FHIT: variants seen among roughly 807,000 people sequenced by gnomAD.
The protein encoded by FHIT is bis(5'-adenosyl)-triphosphatase.
A neutral mutation model predicts 17.9 loss-of-function variants in FHIT; 19 were observed. That is an observed-to-expected ratio of 1.06 (90% CI 0.74 to 1.56). The LOEUF (loss-of-function observed/expected upper bound fraction) is 1.56, where lower values mean the gene tolerates loss of function less well. Ranked by LOEUF, FHIT falls within the 40% of genes most tolerant of loss-of-function variation. The pLI is 0.00. For missense variants in FHIT, 248 were observed against 189.2 expected (o/e 1.31, Z -1.82); for synonymous variants, 81 against 69.7 (o/e 1.16, Z -0.81).
intron 2 of FHIT, among the ~76,000 whole-genome samples, chr3:61,179,707 CAAAAAAAAAAAAAAA>C (rs779180597): frequency 3.5e-5 from 1 of 28,984 alleles, no homozygotes; most frequent in African/African-American, 1.3e-4. Flanking sequence ...GACCCTATCT[CAAAAAAAAAAAAAAA>C]AAAAAAAAAA....
At chr3:60,617,827 A>G (rs1559586671) in intron 4 of FHIT, 1 of 147,122 alleles carries the variant, frequency 6.8e-6, no homozygotes, top group Admixed American at 6.8e-5. Flanking sequence ...AAAAGTAACT[A>G]TGGTTTTTGG....
chr3:59,929,957 C>T (rs182884727), intron 7 of FHIT, among the ~76,000 whole-genome samples: 4 of 150,380 alleles, frequency 2.7e-5, no homozygotes, highest in African/African-American at 7.3e-5. Flanking sequence ...CCTGGAAACA[C>T]GAGTAAGGGA....
intron 7 of FHIT, among the ~76,000 whole-genome samples, chr3:60,009,161 TTTTATGTGTGTGTGTGTGTG>T (rs1257531737): frequency 1.1e-4 from 8 of 70,974 alleles, no homozygotes; most frequent in South Asian, 6.4e-4. Flanking sequence ...TTCTCTGGGA[TTTTATGTGTGTGTGTGTGTG>T]TGTGTGTGTG....
At position 60,051,306 on chromosome 3, in the gene FHIT, C is replaced by T. The variant is rs187161050; in HGVS notation, c.104-37154G>A. On this transcript the variant is annotated intron_variant, in intron 5 of 9. Coordinates refer to ENST00000492590, the MANE Select transcript of FHIT (RefSeq NM_002012.4). ...ACCTAACTTAGTCTATTAAACACAC[C>T]GAAAGCCTAATTTAGGATGCTTTTT... Among the ~76,000 whole-genome samples the T allele has an allele frequency of 3.8e-4, 57 of 148,740 alleles. No homozygotes were observed. The South Asian group carries it at 6.4e-3, about 17-fold the overall frequency.
chr3:60,974,926 T>A (rs1396665582), intron 3 of FHIT, among the ~76,000 whole-genome samples: 2 of 152,176 alleles, frequency 1.3e-5, no homozygotes, highest in Non-Finnish European at 2.9e-5. Flanking sequence ...GCTTAGTTAT[T>A]TGGGGATGAA....
intron 5 of FHIT, among the ~76,000 whole-genome samples, chr3:60,139,527 C>G: frequency 6.6e-6 from 1 of 152,138 alleles, no homozygotes; most frequent in East Asian, 1.9e-4. Context: ...GATATCCCTT[C>G]TGAACTTCTT....
intron 2 of FHIT, among the ~76,000 whole-genome samples, chr3:61,199,293 T>C (rs954245602): frequency 2.6e-5 from 4 of 152,244 alleles, no homozygotes; most frequent in Non-Finnish European, 4.4e-5. Context: ...GTTGTTAAGA[T>C]GGCTACATCA....
intron 5 of FHIT, among the ~76,000 whole-genome samples, chr3:60,274,839 GAA>G (rs1043636568): frequency 6.6e-6 from 1 of 152,104 alleles, no homozygotes; most frequent in African/African-American, 2.4e-5. Flanking sequence ...AGACTTTAGT[GAA>G]AACACTCATG....
chr3:60,923,915 T>A (rs781859418), intron 3 of FHIT, among the ~76,000 whole-genome samples: 9 of 152,204 alleles, frequency 5.9e-5, no homozygotes, highest in Non-Finnish European at 1.2e-4. Context: ...GATTATATCC[T>A]GCACCTGGCT....
At chr3:60,891,681 T>C (rs1411937589) in intron 3 of FHIT, among the ~76,000 whole-genome samples, 3 of 152,336 alleles carry the variant, frequency 2.0e-5, no homozygotes, top group Admixed American at 1.3e-4. Flanking sequence ...CTTGCAATCA[T>C]TCTCAGAAAC....
intron 5 of FHIT, among the ~76,000 whole-genome samples, chr3:60,023,097 A>G (rs1700611359): frequency 1.3e-5 from 2 of 152,256 alleles, no homozygotes; most frequent in Non-Finnish European, 2.9e-5. Flanking sequence ...TTAGGAGTTA[A>G]GACTTGAAGG....
intron 5 of FHIT, among the ~76,000 whole-genome samples, chr3:60,061,077 C>A (rs1702275797): frequency 6.6e-6 from 1 of 152,150 alleles, no homozygotes; most frequent in South Asian, 2.1e-4. Context: ...TCCATTCAGA[C>A]CCACAATCCC....
At chr3:59,903,527 T>C (rs1364096592) in intron 8 of FHIT, among the ~76,000 whole-genome samples, 1 of 152,216 alleles carries the variant, frequency 6.6e-6, no homozygotes, top group Non-Finnish European at 1.5e-5. Context: ...ACTACGGTTA[T>C]CATTCATTCA....
chr3:60,009,194 TG>T (rs1700043218), intron 7 of FHIT, among the ~76,000 whole-genome samples: 1 of 148,468 alleles, frequency 6.7e-6, no homozygotes, highest in African/African-American at 2.5e-5. Context: ...TGTGTGTGTG[TG>T]TGTGTGTGTG....
chr3:61,025,709 A>C (rs2032698697), intron 3 of FHIT, among the ~76,000 whole-genome samples: 1 of 152,252 alleles, frequency 6.6e-6, no homozygotes, highest in Non-Finnish European at 1.5e-5. Flanking sequence ...ATGGAAGTTA[A>C]GCTCAAATTA....
intron 4 of FHIT, among the ~76,000 whole-genome samples, chr3:60,593,969 A>G (rs1421614792): frequency 1.3e-5 from 2 of 152,228 alleles, no homozygotes; most frequent in African/African-American, 2.4e-5. Context: ...ACTTTTCCCA[A>G]TGCTCTATCG....
intron 2 of FHIT, among the ~76,000 whole-genome samples, chr3:61,052,154 G>C (rs1001248996): frequency 6.6e-6 from 1 of 152,132 alleles, no homozygotes; most frequent in African/African-American, 2.4e-5. Flanking sequence ...AGCAAATCAT[G>C]GTAAACATTT....
intron 2 of FHIT, among the ~76,000 whole-genome samples, chr3:61,078,987 A>T (rs1240572723): frequency 6.6e-6 from 1 of 152,150 alleles, no homozygotes; most frequent in East Asian, 1.9e-4. Flanking sequence ...CAATATGGGT[A>T]CCACAGACCA....
At chr3:60,271,924 C>T (rs1706885483) in intron 5 of FHIT, among the ~76,000 whole-genome samples, 1 of 152,140 alleles carries the variant, frequency 6.6e-6, no homozygotes, top group African/African-American at 2.4e-5. Context: ...AGGTGTAGTA[C>T]CAAGTGCTTT....
Sources: allele counts gnomAD v4.1 joint callset (sites outside exome capture counted in the v4.1 genomes callset), GRCh38; gene constraint gnomAD v4.1.1; transcripts MANE v1.5; gene names NCBI Gene and HGNC (gene_info 2026-07-23, HGNC 2026-07-21).